Variants in TMCO1 observed in about 807,000 individuals in gnomAD.
TMCO1 encodes calcium load-activated calcium channel.
Under a neutral mutation model 29.3 loss-of-function variants are expected in TMCO1, and 29 were observed. That is an observed-to-expected ratio of 0.99 (90% CI 0.74 to 1.35). The LOEUF is 1.35. Among genes scored for constraint, TMCO1 ranks in the 40% most tolerant of loss-of-function variants. The probability of loss-of-function intolerance (pLI) is 0.00; values close to 1 mark genes in which losing one functional copy is unlikely to be tolerated. For synonymous variants in TMCO1, 80 were observed against 77.1 expected (o/e 1.04, Z -0.20); for missense variants, 173 against 225.5 (o/e 0.77, Z 1.49).
chr1:165,725,446 TAACCTGTTAATA>T (rs1650835657), downstream of TMCO1: 1 of 454,002 alleles, frequency 2.2e-6, no homozygotes, highest in South Asian at 1.6e-5. Context: ...TTTTAGAATG[TAACCTGTTAATA>T]AACTCAGGTT....
chr1:165,742,547 G>A (rs924111012), intron 6 of TMCO1, among the ~76,000 whole-genome samples: 6 of 152,132 alleles, frequency 3.9e-5, no homozygotes, highest in Non-Finnish European at 7.3e-5. Context: ...ACAGGCATGA[G>A]CCACGGCACC....
chr1:165,730,103 C>T (rs1245917136), intron 6 of TMCO1, among the ~76,000 whole-genome samples: 1 of 147,882 alleles, frequency 6.8e-6, no homozygotes, highest in Non-Finnish European at 1.5e-5. Context: ...GGGCGGATCA[C>T]GAGGTCAGGA....
downstream of TMCO1, chr1:165,724,324 T>G (rs1481964580): frequency 2.2e-6 from 1 of 450,362 alleles, no homozygotes; most frequent in African/African-American, 2.0e-5. Flanking sequence ...TCTCATTAAT[T>G]AATAGATCAA....
rs575514478 is a variant in TMCO1, at chr1:165,730,813, CAA to C, written c.469-2694_469-2693del. Among the ~76,000 whole-genome samples, 377 of 152,088 alleles carry C rather than the reference CAA, an allele frequency of 2.5e-3. 2 individuals are homozygous for C. Among genetic ancestry groups the C allele is most frequent in the African/African-American group, 8.6e-3 (357 of 41,500 alleles). On this transcript the variant is annotated intron_variant, in intron 6 of 6. Coordinates refer to ENST00000367881, the MANE Select transcript of TMCO1 (RefSeq NM_019026.6). The stretch of plus-strand genomic sequence containing the variant: ...TTTGCCATGTTGGCCACGCTGGTCT[CAA>C]ACTCTTGGGCTCCAGTGATCTGCTC...
chr1:165,763,640 T>C lies in TMCO1; in HGVS notation c.149-4056A>G, dbSNP rs555086423. Among the ~76,000 whole-genome samples the C allele has an allele frequency of 4.6e-5, 7 of 152,258 alleles. No individual in the cohort carries two copies. In the South Asian group the frequency reaches 1.2e-3, roughly 27 times the overall value. ...TACTTTGTTTCATTTTTGTTAGAGA[T>C]TGGGTCTCAACTCTGTCACCTAGGC... On this transcript the variant is annotated intron_variant, in intron 2 of 6. Coordinates refer to ENST00000367881, the MANE Select transcript of TMCO1 (RefSeq NM_019026.6).
At chr1:165,762,476 T>C (rs1220605319) in intron 2 of TMCO1, among the ~76,000 whole-genome samples, 1 of 152,008 alleles carries the variant, frequency 6.6e-6, no homozygotes, top group East Asian at 1.9e-4. Flanking sequence ...ATAAGACAAT[T>C]CCATAAACAT....
chr1:165,727,074 CG>C lies in TMCO1; in HGVS notation c.*948del, dbSNP rs1558026278. 2.2e-6 allele frequency: 1 copy of C among 453,968 alleles called. No individual in the cohort carries two copies. Among genetic ancestry groups the C allele is most frequent in the African/African-American group, 2.0e-5 (1 of 50,086 alleles). 28.1% of individuals were successfully genotyped at this position (453,968 alleles called of 1,614,324 possible). ...AGGACTCCTAATTCCATAGATTATG[CG>C]GGGAGGATCATGGTACAAACATCCT... On this transcript the variant is annotated 3_prime_UTR_variant, in exon 7 of 7. Coordinates refer to ENST00000367881, the MANE Select transcript of TMCO1 (RefSeq NM_019026.6).
chr1:165,744,655 T>C (rs372527444), intron 5 of TMCO1, among the ~76,000 whole-genome samples: 1 of 152,010 alleles, frequency 6.6e-6, no homozygotes, highest in Non-Finnish European at 1.5e-5. Context: ...CCGGGCATGG[T>C]GGCGCATGCC....
chr1:165,768,603 T>C (rs1370651318), intron 1 of TMCO1, 79 bp downstream of exon 1: 1 of 1,610,426 alleles, frequency 6.2e-7, no homozygotes, highest in Admixed American at 1.7e-5. Flanking sequence ...GCTCGCGATC[T>C]TTCCCCTGGT....
intron 6 of TMCO1, among the ~76,000 whole-genome samples, chr1:165,729,103 T>TAAAA (rs553390393): frequency 1.0e-4 from 8 of 76,372 alleles, no homozygotes; most frequent in Non-Finnish European, 2.0e-4. Context: ...AGATTCTGTC[T>TAAAA]AAAAAAAAAA....
rs947318397 is a variant in TMCO1 at position 165,727,752 on chromosome 1, A to T, written c.*271T>A. 2.2e-6 allele frequency: 1 copy of T among 463,396 alleles called. No individual in the cohort carries two copies. Among genetic ancestry groups the T allele is most frequent in the African/African-American group, 2.0e-5 (1 of 50,410 alleles). 28.7% of individuals were successfully genotyped at this position (463,396 alleles called of 1,614,324 possible). ...AGAAAATACTTATGTAAATGAAACA[A>T]GAAGGATGCTATTTGTTTTTCATTA... is the stretch of plus-strand genomic sequence containing the variant. On this transcript the variant is annotated 3_prime_UTR_variant, in exon 7 of 7. Transcript: ENST00000367881.
At chr1:165,736,014 T>C (rs73020532) in intron 6 of TMCO1, among the ~76,000 whole-genome samples, 2 of 152,178 alleles carry the variant, frequency 1.3e-5, no homozygotes, top group African/African-American at 4.8e-5. Context: ...TGGGAACTTT[T>C]GGAGGTGATT....
At chr1:165,743,687 C>T (rs1006171878) in intron 5 of TMCO1, among the ~76,000 whole-genome samples, 3 of 151,970 alleles carry the variant, frequency 2.0e-5, no homozygotes, top group South Asian at 4.2e-4. Flanking sequence ...GGAGTCTTGC[C>T]GTGTCGGTCA....
At chr1:165,757,343 A>C (rs1652231287) in intron 3 of TMCO1, among the ~76,000 whole-genome samples, 1 of 152,220 alleles carries the variant, frequency 6.6e-6, no homozygotes, top group Admixed American at 6.5e-5. Context: ...GTCCAAAATA[A>C]TCCAGTTTAG....
chr1:165,730,468 T>C (rs1487623984), intron 6 of TMCO1, among the ~76,000 whole-genome samples: 1 of 152,230 alleles, frequency 6.6e-6, no homozygotes, highest in Non-Finnish European at 1.5e-5. Flanking sequence ...CCATAAAATA[T>C]TTCAGTACAT....
chr1:165,733,004 G>A (rs1484223579), intron 6 of TMCO1, among the ~76,000 whole-genome samples: 1 of 152,140 alleles, frequency 6.6e-6, no homozygotes, highest in Non-Finnish European at 1.5e-5. Context: ...AATAATAATG[G>A]TTAACAGTTA....
chr1:165,766,845 C>A (rs1474018082), intron 2 of TMCO1, among the ~76,000 whole-genome samples: 1 of 151,976 alleles, frequency 6.6e-6, no homozygotes, highest in East Asian at 1.9e-4. Flanking sequence ...GTCCTGGAGC[C>A]AAATTAATAA....
chr1:165,744,293 A>C (rs941395052), intron 5 of TMCO1, among the ~76,000 whole-genome samples: 8 of 152,232 alleles, frequency 5.3e-5, no homozygotes, highest in Non-Finnish European at 1.0e-4. Context: ...ATCACTGCTC[A>C]CAAGTACAGA....
At chr1:165,731,854 T>C (rs1558029297) in intron 6 of TMCO1, among the ~76,000 whole-genome samples, 1 of 152,248 alleles carries the variant, frequency 6.6e-6, no homozygotes, top group Non-Finnish European at 1.5e-5. Flanking sequence ...CTTGTGGCTC[T>C]TGCCACAGAC....
Sources: gnomAD v4.1 joint callset for allele counts (sites outside exome capture counted in the v4.1 genomes callset) on GRCh38, gnomAD v4.1.1 for gene constraint, MANE v1.5 for transcripts, NCBI Gene and HGNC (gene_info 2026-07-23, HGNC 2026-07-21) for gene names.